The following TAF4 variants were observed in gnomAD, a reference collection of about 807,000 sequenced individuals.
TAF4 encodes TATA-box binding protein associated factor 4.
A neutral mutation model predicts 90.3 loss-of-function variants in TAF4; 9 were observed. That is an observed-to-expected ratio of 0.10 (90% CI 0.06 to 0.17). The LOEUF (loss-of-function observed/expected upper bound fraction) is 0.17. Among genes scored for constraint, TAF4 ranks in the 10% least tolerant of loss-of-function variants. The pLI, the probability that TAF4 is intolerant of heterozygous loss-of-function variation, is 1.00. For missense variants in TAF4, 1,351 were observed against 1,370.7 expected (o/e 0.99, Z 0.23); for synonymous variants, 818 against 638.9 (o/e 1.28, Z -4.23).
chr20:62,011,682 G>A (rs967743031), intron 3 of TAF4, among the ~76,000 whole-genome samples: 2 of 152,084 alleles, frequency 1.3e-5, no homozygotes, highest in African/African-American at 4.8e-5. Context: ...GCTGCCCCTG[G>A]AGTCCACACC....
At chr20:62,000,850 G>A (rs1264551459) in intron 9 of TAF4, 129 bp from the exon 10 acceptor site, 11 of 865,526 alleles carry the variant, frequency 1.3e-5, no homozygotes, top group Admixed American at 1.0e-4. Context: ...TGTCCTCCCC[G>A]CACCTGCACC....
rs56056225 is a variant in TAF4 at position 62,029,486 on chromosome 20, G to GCACACA, written c.1361-14785_1361-14780dup. 1.7e-3 allele frequency among the ~76,000 whole-genome samples: 251 copies of GCACACA among 146,182 alleles called. 2 individuals are homozygous for GCACACA. Among genetic ancestry groups the GCACACA allele is most frequent in the South Asian group, 0.016 (75 of 4,620 alleles). The stretch of plus-strand genomic sequence containing the variant: ...GCCCAGTGCCCACGTGCGCGCGCGC[G>GCACACA]CACACACACACACACACACACTCAT... On this transcript the variant is annotated intron_variant, in intron 1 of 14. Transcript: ENST00000252996.
chr20:62,064,634 CG>C lies in TAF4; in HGVS notation c.1176del (p.Ala393ProfsTer16). On this transcript the variant is annotated frameshift_variant, in exon 1 of 15. Coordinates refer to ENST00000252996, the MANE Select transcript of TAF4 (RefSeq NM_003185.4). LOFTEE classifies it high-confidence loss of function. Reference sequence around the variant, plus strand: ...GGCAGCCCGGTGGGGGTCCCGGGGGCGGGCGGCGGGACGGCGGCCGGGCTGG... The same window carrying C: ...GGCAGCCCGGTGGGGGTCCCGGGGGCGGCGGCGGGACGGCGGCCGGGCTGG... Reference protein sequence around the residue: ...ALPSPAAVPPPAPGTPTGLPK... With the variant: ...ALPSPAAVPPXAPGTPTGLPK... 7.4e-7 allele frequency: 1 copy of C among 1,344,886 alleles called. No homozygotes were observed. The highest frequency in any genetic ancestry group is 9.5e-7 in the Non-Finnish European group (1 of 1,055,012). 83.3% of individuals were successfully genotyped at this position (1,344,886 alleles called of 1,614,324 possible). A position where few individuals can be genotyped will look rare whatever the true frequency, so the allele number is the denominator to read the frequency against.
At chr20:62,055,332 G>A (rs1182346453) in intron 1 of TAF4, among the ~76,000 whole-genome samples, 16 of 151,528 alleles carry the variant, frequency 1.1e-4, no homozygotes, top group South Asian at 2.1e-4. Context: ...TGCTGCCTGC[G>A]GGCAGTCCTG....
chr20:61,977,589 G>A (rs1328467079), intron 14 of TAF4, among the ~76,000 whole-genome samples: 1 of 152,172 alleles, frequency 6.6e-6, no homozygotes, highest in South Asian at 2.1e-4. Context: ...GTGTGTCTCT[G>A]ACCCACTGCA....
chr20:62,045,614 G>A (rs1351099818), intron 1 of TAF4, among the ~76,000 whole-genome samples: 2 of 152,214 alleles, frequency 1.3e-5, no homozygotes, highest in Admixed American at 1.3e-4. Flanking sequence ...GGATGAGTAC[G>A]TACTACTCAG....
chr20:62,065,027 C>T lies in TAF4; in HGVS notation c.784G>A (p.Ala262Thr). The part of the protein sequence containing the change: ...PAAPSPPAAP[A>T]PAAPAAAPPP... Reference sequence around the variant, plus strand: ...GGGGCGGCGGCGGGGGCGGCGGGCGCGGGGGCGGCGGGGGGCGAGGGCGCG... The same window carrying T: ...GGGGCGGCGGCGGGGGCGGCGGGCGTGGGGGCGGCGGGGGGCGAGGGCGCG... Residue 262 changes from alanine (A) to threonine (T), a missense_variant, in exon 1 of 15, where the codon GCG becomes ACG. Ala to Thr is a moderately conservative substitution (Grantham distance 58). Around this residue, in one of 9 missense-constraint regions of TAF4, gnomAD observed 782 missense variants for 536.6 expected, o/e 1.46. Coordinates refer to ENST00000252996, the MANE Select transcript of TAF4 (RefSeq NM_003185.4). 1 of 351,582 alleles carries T rather than the reference C, an allele frequency of 2.8e-6. No individual in the cohort carries two copies. The highest frequency in any genetic ancestry group is 3.3e-6 in the Non-Finnish European group (1 of 304,186). 21.8% of individuals were successfully genotyped at this position (351,582 alleles called of 1,614,324 possible).
chr20:61,986,503 T>TCAAAGGAAACACCATC (rs2055593459), intron 14 of TAF4, among the ~76,000 whole-genome samples: 1 of 40,796 alleles, frequency 2.5e-5, no homozygotes. Flanking sequence ...GAAACACCAT[T>TCAAAGGAAACACCATC]CCCAACCAAA....
At chr20:61,980,666 C>G (rs1316501445) in intron 14 of TAF4, 1 of 152,266 alleles carries the variant, frequency 6.6e-6, no homozygotes, top group Non-Finnish European at 1.5e-5. Flanking sequence ...AACGTGGCTG[C>G]CGAGCTGATG....
chr20:62,015,932 T>TC (rs1568932827), intron 1 of TAF4, among the ~76,000 whole-genome samples: 1 of 151,806 alleles, frequency 6.6e-6, no homozygotes, highest in Non-Finnish European at 1.5e-5. Context: ...TAAGAAAACT[T>TC]CCCCCCAAAA....
At chr20:62,008,541 G>C (rs558194243) in intron 5 of TAF4, among the ~76,000 whole-genome samples, 2 of 151,788 alleles carry the variant, frequency 1.3e-5, no homozygotes, top group African/African-American at 2.4e-5. Flanking sequence ...CAGAGGTTTC[G>C]GGAGGGGTGG....
At chr20:62,057,078 C>T (rs1307875320) in intron 1 of TAF4, among the ~76,000 whole-genome samples, 3 of 152,184 alleles carry the variant, frequency 2.0e-5, no homozygotes, top group Non-Finnish European at 4.4e-5. Flanking sequence ...CCTTTAAAAA[C>T]TTTCACAGGT....
chr20:62,000,268 A>G lies in TAF4; in HGVS notation c.2657-14T>C, dbSNP rs1225155888. 4 of 1,611,216 alleles carry G rather than the reference A, an allele frequency of 2.5e-6. No individual in the cohort carries two copies. In the African/African-American group the frequency reaches 4.0e-5, roughly 16 times the overall value. The stretch of plus-strand genomic sequence containing the variant: ...CATGTTTTTTACCTAAAGGTCAGGC[A>G]AGAAAAACAGTATTTTAAAATCATT... On this transcript the variant is annotated splice_polypyrimidine_tract_variant and intron_variant, in intron 10 of 14. Coordinates refer to ENST00000252996, the MANE Select transcript of TAF4 (RefSeq NM_003185.4).
intron 1 of TAF4, among the ~76,000 whole-genome samples, chr20:62,063,058 G>C (rs969573193): frequency 6.6e-6 from 1 of 152,176 alleles, no homozygotes; most frequent in African/African-American, 2.4e-5. Context: ...CCAAGCCTCT[G>C]GCAAAACACC....
intron 1 of TAF4, among the ~76,000 whole-genome samples, chr20:62,026,587 C>T (rs2055875771): frequency 6.6e-6 from 1 of 152,218 alleles, no homozygotes; most frequent in African/African-American, 2.4e-5. Context: ...CCCCCATCTC[C>T]ACAAAGCCGC....
chr20:62,016,847 C>G (rs2055814839), intron 1 of TAF4, among the ~76,000 whole-genome samples: 1 of 152,168 alleles, frequency 6.6e-6, no homozygotes, highest in African/African-American at 2.4e-5. Context: ...CTCAAGAATT[C>G]TGAGAAGCCA....
intron 1 of TAF4, among the ~76,000 whole-genome samples, chr20:62,021,925 T>A (rs1777463633): frequency 6.6e-6 from 1 of 151,764 alleles, no homozygotes; most frequent in South Asian, 2.1e-4. Context: ...AGTGAGTGCA[T>A]CCCTGGGGAG....
intron 2 of TAF4, among the ~76,000 whole-genome samples, chr20:62,013,907 GTGTGT>G (rs2055794823): frequency 4.3e-5 from 2 of 46,624 alleles, no homozygotes; most frequent in Admixed American, 4.3e-4. Context: ...GCTGACGCGG[GTGTGT>G]GTGTGTGTGT....
intron 9 of TAF4, among the ~76,000 whole-genome samples, chr20:62,001,454 C>T (rs1342698469): frequency 1.3e-5 from 2 of 152,270 alleles, no homozygotes; most frequent in African/African-American, 4.8e-5. Flanking sequence ...CTGACTTCGG[C>T]CCCCTCGTGA....
Sources: allele counts gnomAD v4.1 joint callset (sites outside exome capture counted in the v4.1 genomes callset), GRCh38; gene constraint gnomAD v4.1.1; regional missense constraint gnomAD v4.1.1; transcripts MANE v1.5; gene names NCBI Gene and HGNC (gene_info 2026-07-23, HGNC 2026-07-21).